The following OR6N1 variants were observed in gnomAD, a reference collection of about 807,000 sequenced individuals.
OR6N1 encodes the protein olfactory receptor 6N1.
For missense variants in OR6N1, 394 were observed against 371.7 expected, an observed-to-expected ratio of 1.06 and a Z score of -0.49; for synonymous variants, 170 against 150.7, an observed-to-expected ratio of 1.13 and a Z score of -0.94.
the OR6N1 span, among the ~76,000 whole-genome samples, chr1:158,839,665 T>C: frequency 1.3e-5 from 2 of 152,138 alleles, no homozygotes; most frequent in African/African-American, 2.4e-5. Context: ...AATTAGGAAG[T>C]TTCCTCCTGA....
the OR6N1 span, among the ~76,000 whole-genome samples, chr1:158,807,805 T>C: frequency 7.2e-6 from 1 of 139,212 alleles, no homozygotes; most frequent in African/African-American, 2.9e-5. Context: ...CTCTAAGTCA[T>C]AAATGCAGCT....
the OR6N1 span, among the ~76,000 whole-genome samples, chr1:158,813,607 G>A: frequency 1.3e-5 from 2 of 151,964 alleles, no homozygotes; most frequent in East Asian, 1.9e-4. Flanking sequence ...GGGGAAGAAA[G>A]GGGCAAATGG....
the OR6N1 span, chr1:158,777,374 C>T: frequency 6.2e-7 from 1 of 1,614,164 alleles, no homozygotes; most frequent in Non-Finnish European, 8.5e-7. Flanking sequence ...GTTTTCTTCT[C>T]ACTGAGAATA....
the OR6N1 span, chr1:158,796,280 A>G: frequency 6.6e-6 from 1 of 152,364 alleles, no homozygotes; most frequent in South Asian, 2.1e-4. Flanking sequence ...TTGGTACCTT[A>G]AAAGTACATC....
chr1:158,812,781 G>T, the OR6N1 span, among the ~76,000 whole-genome samples: 1 of 152,136 alleles, frequency 6.6e-6, no homozygotes, highest in African/African-American at 2.4e-5. Context: ...TGATTGGAAG[G>T]TTAGAAAAGG....
the OR6N1 span, among the ~76,000 whole-genome samples, chr1:158,833,772 T>C: frequency 1.2e-4 from 18 of 152,236 alleles, no homozygotes; most frequent in Non-Finnish European, 2.6e-4. Flanking sequence ...CTTGTAATAC[T>C]TTCACATTTT....
the OR6N1 span, among the ~76,000 whole-genome samples, chr1:158,835,721 T>TTCAGTC: frequency 6.6e-6 from 1 of 152,032 alleles, no homozygotes; most frequent in Non-Finnish European, 1.5e-5. Flanking sequence ...GAGAAATGTT[T>TTCAGTC]TCAGTCTCTT....
chr1:158,777,021 G>T, upstream of OR6N1: 1 of 1,614,170 alleles, frequency 6.2e-7, no homozygotes. Context: ...TAAGAATTAT[G>T]AAAGCATTAA....
the OR6N1 span, among the ~76,000 whole-genome samples, chr1:158,811,764 C>A: frequency 1.3e-5 from 2 of 152,168 alleles, no homozygotes; most frequent in African/African-American, 4.8e-5. Context: ...GATTTTCACA[C>A]GGATCACATC....
chr1:158,795,244 A>G, the OR6N1 span, among the ~76,000 whole-genome samples: 1 of 152,198 alleles, frequency 6.6e-6, no homozygotes, highest in African/African-American at 2.4e-5. Context: ...TCACATACAC[A>G]GTGTTTTGCT....
chr1:158,825,077 G>A, the OR6N1 span, among the ~76,000 whole-genome samples: 1 of 152,074 alleles, frequency 6.6e-6, no homozygotes, highest in Admixed American at 6.6e-5. Flanking sequence ...ATCTAACAAA[G>A]GTCTAATATC....
the OR6N1 span, among the ~76,000 whole-genome samples, chr1:158,829,768 C>A: frequency 6.6e-6 from 1 of 152,070 alleles, no homozygotes. Flanking sequence ...AAAGACATAC[C>A]CAAGACTGGG....
the OR6N1 span, among the ~76,000 whole-genome samples, chr1:158,801,164 G>GGT: frequency 0.018 from 2,695 of 148,764 alleles, 55 homozygotes; most frequent in Admixed American, 0.062. Flanking sequence ...TGCACATACT[G>GGT]GTGTGTGTGT....
At chr1:158,803,734 G>T in the OR6N1 span, among the ~76,000 whole-genome samples, 1 of 152,322 alleles carries the variant, frequency 6.6e-6, no homozygotes, top group Middle Eastern at 3.4e-3. Context: ...ACAAATACCT[G>T]AGCATAAGAA....
chr1:158,772,000 G>T (rs1432013112), intron 1 of OR6N1, 21 bp downstream of exon 1: 1 of 152,188 alleles, frequency 6.6e-6, no homozygotes, highest in African/African-American at 2.4e-5. Flanking sequence ...AGATGAAAAT[G>T]CCTGCTTGAT....
chr1:158,795,216 C>T, the OR6N1 span, among the ~76,000 whole-genome samples: 4 of 152,200 alleles, frequency 2.6e-5, no homozygotes, highest in African/African-American at 9.6e-5. Context: ...AGCTCTCACA[C>T]ACTTGGCAGG....
chr1:158,825,914 G>T, the OR6N1 span, among the ~76,000 whole-genome samples: 1 of 152,126 alleles, frequency 6.6e-6, no homozygotes, highest in Non-Finnish European at 1.5e-5. Context: ...AGAAAATGTT[G>T]TACACATACA....
At chr1:158,817,588 CT>C in the OR6N1 span, among the ~76,000 whole-genome samples, 51 of 152,344 alleles carry the variant, frequency 3.3e-4, no homozygotes, top group Admixed American at 1.1e-3. Context: ...TTTGATCTCT[CT>C]GCAAAACTGA....
chr1:158,786,421 A>T, the OR6N1 span, among the ~76,000 whole-genome samples: 2 of 152,176 alleles, frequency 1.3e-5, no homozygotes, highest in African/African-American at 4.8e-5. Flanking sequence ...TACAACCACT[A>T]TAAAAAACAG....
Sources: gnomAD v4.1 joint callset for allele counts (sites outside exome capture counted in the v4.1 genomes callset) on GRCh38, gnomAD v4.1.1 for gene constraint, MANE v1.5 for transcripts, NCBI Gene and HGNC (gene_info 2026-07-23, HGNC 2026-07-21) for gene names.